Variants in UNC79 observed in about 807,000 individuals in gnomAD.
UNC79 encodes the protein unc-79 subunit of NALCN channel complex, also known as protein unc-79 homolog.
UNC79 carries 37 observed loss-of-function variants against 283.1 expected under a neutral mutation model. That is an observed-to-expected ratio of 0.13 (90% confidence interval 0.10 to 0.17). UNC79 has a LOEUF of 0.17. UNC79 is among the 10% of genes least tolerant of loss of function. The pLI, the probability that UNC79 is intolerant of heterozygous loss-of-function variation, is 1.00. For missense variants in UNC79, 2,272 were observed against 3,211.1 expected, an observed-to-expected ratio of 0.71 and a Z score of 7.07; for synonymous variants, 1,107 against 1,200.2, an observed-to-expected ratio of 0.92 and a Z score of 1.61.
chr14:93,552,402 G>T (rs1271975838), intron 14 of UNC79, among the ~76,000 whole-genome samples: 2 of 152,120 alleles, frequency 1.3e-5, no homozygotes, highest in Non-Finnish European at 2.9e-5. Flanking sequence ...GCCTTAGTTT[G>T]CAGGGCCTTA....
At chr14:93,532,409 G>A (rs950967077) in intron 10 of UNC79, 141 bp from the exon 11 acceptor site, 28 of 935,582 alleles carry the variant, frequency 3.0e-5, no homozygotes, top group South Asian at 6.6e-5. Flanking sequence ...TCAAGAGGCT[G>A]TGGTGGGCTA....
intron 45 of UNC79, 87 bp from the exon 49 acceptor site, chr14:93,691,662 G>A (rs1375995053): frequency 2.1e-6 from 3 of 1,450,456 alleles, no homozygotes; most frequent in East Asian, 2.3e-5. Flanking sequence ...GTGCTCCCTG[G>A]CAAGACCAAA....
rs774400318 is a variant in UNC79 at position 93,690,074 on chromosome 14, A to G, written c.7086-43A>G. 6.3e-7 allele frequency: 1 copy of G among 1,599,872 alleles called. No individual in the cohort carries two copies. Among genetic ancestry groups the G allele is most frequent in the East Asian group, 2.2e-5 (1 of 44,704 alleles). On this transcript the variant is annotated intron_variant, in intron 44 of 48. Transcript: ENST00000555664. The surrounding 1 kb of genome is among the most constrained non-coding windows in gnomAD (Gnocchi z 4.3). The stretch of plus-strand genomic sequence containing the variant: ...GCATTTGTTATGCACCCAATGAAAC[A>G]CAAAACATAAAATCATCTTTAACAC...
chr14:93,479,488 G>A (rs1233139829), intron 4 of UNC79, among the ~76,000 whole-genome samples: 5 of 151,948 alleles, frequency 3.3e-5, no homozygotes, highest in African/African-American at 1.2e-4. Context: ...AGTAGAGATG[G>A]GGTTTTGCCA....
rs1258277023 is a variant in UNC79 at position 93,494,743 on chromosome 14, G to A, written c.713-1668G>A. Among the ~76,000 whole-genome samples, 4 of 152,190 alleles carry A rather than the reference G, an allele frequency of 2.6e-5. No individual in the cohort carries two copies. In the South Asian group the frequency reaches 6.2e-4, roughly 24 times the overall value. ...TTCAACAGATAATGGCCCAGTGGAA[G>A]AGGATGAGCTCTCCAAAGAGACAGA... On this transcript the variant is annotated intron_variant, in intron 5 of 48. Coordinates refer to ENST00000555664, the Ensembl canonical transcript of UNC79.
downstream of UNC79, chr14:93,707,551 G>A (rs1008825002): frequency 6.6e-6 from 1 of 152,176 alleles, no homozygotes; most frequent in African/African-American, 2.4e-5. Flanking sequence ...TCTCTTGTAA[G>A]CTTTATGATA....
intron 14 of UNC79, among the ~76,000 whole-genome samples, chr14:93,571,115 C>G (rs920419943): frequency 6.6e-6 from 1 of 152,076 alleles, no homozygotes; most frequent in Non-Finnish European, 1.5e-5. Flanking sequence ...ATCTGGAATT[C>G]TAGATGTAAT....
chr14:93,524,198 C>T (rs2060445905), intron 8 of UNC79, among the ~76,000 whole-genome samples, 156 bp downstream of exon 8: 1 of 152,192 alleles, frequency 6.6e-6, no homozygotes, highest in African/African-American at 2.4e-5. Context: ...CTTTGGCAGA[C>T]TGGTCAAGAG....
Position 93,604,603 on chromosome 14 carries a change from C to G in UNC79, c.3754+1185C>G, listed in dbSNP as rs79148995. On this transcript the variant is annotated intron_variant, in intron 26 of 48. Transcript: ENST00000555664. ...AATAACAAATTTTATATGAGTTTCC[C>G]AGCTCTATTTATATCCTAACTGATA... is the stretch of plus-strand genomic sequence containing the variant. Among the ~76,000 whole-genome samples the G allele has an allele frequency of 6.2e-3, 948 of 152,242 alleles. 7 individuals are homozygous for G. The highest frequency in any genetic ancestry group is 0.022 in the African/African-American group (907 of 41,530).
intron 1 of UNC79, among the ~76,000 whole-genome samples, chr14:93,460,132 T>G (rs1404892275): frequency 2.5e-5 from 3 of 118,004 alleles, no homozygotes; most frequent in Non-Finnish European, 3.5e-5. Flanking sequence ...ATTGAGACCA[T>G]CCTGGCTAAC....
At chr14:93,588,388 A>C (rs977425901) in intron 22 of UNC79, among the ~76,000 whole-genome samples, 3 of 152,194 alleles carry the variant, frequency 2.0e-5, no homozygotes, top group African/African-American at 4.8e-5. Flanking sequence ...AGAAGAGGAA[A>C]GGAAACATCA....
intron 1 of UNC79, among the ~76,000 whole-genome samples, chr14:93,440,793 C>G (rs1471112274): frequency 2.6e-5 from 4 of 152,036 alleles, no homozygotes; most frequent in African/African-American, 4.8e-5. Flanking sequence ...TCTGAGGATA[C>G]TATTTACATT....
At chr14:93,590,939 C>T (rs2064625963) in intron 22 of UNC79, among the ~76,000 whole-genome samples, 1 of 152,204 alleles carries the variant, frequency 6.6e-6, no homozygotes, top group Admixed American at 6.5e-5. Flanking sequence ...TCCTTGTAAT[C>T]ATGATGGTGG....
chr14:93,613,666 G>A (rs2139779094), intron 27 of UNC79, among the ~76,000 whole-genome samples: 1 of 152,098 alleles, frequency 6.6e-6, no homozygotes, highest in East Asian at 1.9e-4. Context: ...CGCCCATCTT[G>A]GCCTCCCAAA....
intron 1 of UNC79, among the ~76,000 whole-genome samples, chr14:93,373,909 A>G (rs1437863311): frequency 6.6e-6 from 1 of 152,248 alleles, no homozygotes; most frequent in African/African-American, 2.4e-5. Flanking sequence ...ATCATACACT[A>G]TGACTAAGTG....
At chr14:93,673,918 T>A (rs1408797890) in intron 41 of UNC79, among the ~76,000 whole-genome samples, 1 of 152,120 alleles carries the variant, frequency 6.6e-6, no homozygotes, top group African/African-American at 2.4e-5. Context: ...AATGGCAGGA[T>A]GCACTGAGTG....
exon 46 of UNC79, chr14:93,691,873 C>T (rs776203945): frequency 2.5e-6 from 4 of 1,614,170 alleles, no homozygotes; most frequent in Non-Finnish European, 3.4e-6. Context: ...AGCTTCACGG[C>T]GATACTGACA....
At chr14:93,419,542 G>A (rs1055590157) in intron 1 of UNC79, among the ~76,000 whole-genome samples, 11 of 151,654 alleles carry the variant, frequency 7.3e-5, no homozygotes, top group African/African-American at 2.7e-4. Flanking sequence ...CAAGAAACAG[G>A]CAGTATGATA....
Position 93,430,692 on chromosome 14 carries a change from T to G in UNC79, c.-338T>G. The G allele has an allele frequency of 4.2e-6, 1 of 240,418 alleles. No homozygotes were observed. The highest frequency in any genetic ancestry group is 8.3e-6 in the Non-Finnish European group (1 of 119,856). 14.9% of individuals were successfully genotyped at this position (240,418 alleles called of 1,614,324 possible). ...AATACTCCTCCCCCGGTCGAGCCCATTTTCCCATTTCACCAGGAGCCGCAG... is the reference window on the plus strand; with the variant it reads ...AATACTCCTCCCCCGGTCGAGCCCAGTTTCCCATTTCACCAGGAGCCGCAG... On this transcript the variant is annotated 5_prime_UTR_variant, in exon 1 of 49. Coordinates refer to ENST00000555664, the Ensembl canonical transcript of UNC79. This position sits in a 1 kb window ranked among gnomAD's most constrained non-coding sequence, Gnocchi z 4.6.
Sources: allele counts gnomAD v4.1 joint callset (sites outside exome capture counted in the v4.1 genomes callset), GRCh38; gene constraint gnomAD v4.1.1; non-coding constraint Gnocchi (gnomAD v3.1); transcripts MANE v1.5; gene names NCBI Gene and HGNC (gene_info 2026-07-23, HGNC 2026-07-21).